The following PRKD1 variants were observed in gnomAD, a reference collection of about 807,000 sequenced individuals.
PRKD1 encodes the protein protein kinase D1, also known as serine/threonine-protein kinase D1.
In PRKD1, 63 loss-of-function variants were observed where a neutral mutation model predicts 95.9. The ratio of observed to expected loss-of-function variants is 0.66; its 90% CI spans 0.54 to 0.81. The LOEUF (loss-of-function observed/expected upper bound fraction) is 0.81. PRKD1 is among the 30% of genes least tolerant of loss of function. The pLI, the probability that PRKD1 is intolerant of heterozygous loss-of-function variation, is 0.00. For synonymous variants in PRKD1, 425 were observed against 423.1 expected, an observed-to-expected ratio of 1.00 and a Z score of -0.05; for missense variants, 1,048 against 1,165.3, an observed-to-expected ratio of 0.90 and a Z score of 1.47.
intron 6 of PRKD1, among the ~76,000 whole-genome samples, chr14:29,637,153 G>T (rs45506092): frequency 6.6e-6 from 1 of 152,068 alleles, no homozygotes; most frequent in Non-Finnish European, 1.5e-5. Flanking sequence ...TATTTTAGAA[G>T]CACAGCCCTG....
At chr14:29,762,026 C>T (rs1031223329) in intron 1 of PRKD1, among the ~76,000 whole-genome samples, 1 of 152,028 alleles carries the variant, frequency 6.6e-6, no homozygotes, top group Non-Finnish European at 1.5e-5. Context: ...GCTGCCTTGG[C>T]CTCCCACAGC....
Position 29,638,548 on chromosome 14 carries a change from T to C in PRKD1, c.926A>G (p.His309Arg). Residue 309 changes from histidine to arginine, a missense_variant, in exon 6 of 18, where the codon CAT becomes CGT. His to Arg is a conservative substitution (Grantham distance 29). Transcript: ENST00000331968. ...TGGTACTTTCGGTGCACAACGTTTATGGCAGTTGAATCTGCAATCTAATCC... is the reference window on the plus strand; with the variant it reads ...TGGTACTTTCGGTGCACAACGTTTACGGCAGTTGAATCTGCAATCTAATCC... ...LQCKDCRFNC[H>R]KRCAPKVPNN... 6.2e-7 allele frequency: 1 copy of C among 1,614,230 alleles called. No individual in the cohort carries two copies. Among genetic ancestry groups the C allele is most frequent in the Non-Finnish European group, 8.5e-7 (1 of 1,180,036 alleles).
At chr14:29,644,004 C>T (rs148788103) in intron 4 of PRKD1, among the ~76,000 whole-genome samples, 1 of 152,276 alleles carries the variant, frequency 6.6e-6, no homozygotes, top group African/African-American at 2.4e-5. Flanking sequence ...TTGTCTGAAT[C>T]ATTTGATAAT....
chr14:29,827,380 T>C (rs923649335), intron 1 of PRKD1, among the ~76,000 whole-genome samples: 1 of 152,100 alleles, frequency 6.6e-6, no homozygotes, highest in African/African-American at 2.4e-5. Flanking sequence ...GTGGGAGTTA[T>C]GGTTAGATGG....
At chr14:29,756,836 T>C (rs1331801842) in intron 1 of PRKD1, among the ~76,000 whole-genome samples, 2 of 152,256 alleles carry the variant, frequency 1.3e-5, no homozygotes, top group African/African-American at 2.4e-5. Flanking sequence ...GGACTCCTCA[T>C]ATGAAATTGC....
chr14:29,763,223 A>G (rs1320718197), intron 1 of PRKD1, among the ~76,000 whole-genome samples: 1 of 149,632 alleles, frequency 6.7e-6, no homozygotes, highest in Non-Finnish European at 1.5e-5. Flanking sequence ...GTTGAGCCCA[A>G]GAGGTTGAGG....
Position 29,638,893 on chromosome 14 carries a change from T to A in PRKD1, c.708A>T (p.Pro236=). 6.2e-7 allele frequency: 1 copy of A among 1,614,066 alleles called. No homozygotes were observed. Among genetic ancestry groups the A allele is most frequent in the Non-Finnish European group, 8.5e-7 (1 of 1,179,938 alleles). Residue 236 remains proline, a synonymous_variant, in exon 5 of 18, where the codon CCA becomes CCT. Transcript: ENST00000331968. ...APDEPLLQKS[P]SESFIGREKR... ...TCTCTCGACCAATAAACGACTCTGA[T>A]GGTGATTTTTGCTACATTTTGGAAA...
chr14:29,867,775 G>T (rs1892961092), intron 1 of PRKD1, among the ~76,000 whole-genome samples: 1 of 152,180 alleles, frequency 6.6e-6, no homozygotes, highest in Non-Finnish European at 1.5e-5. Flanking sequence ...CTGGCATATA[G>T]GAAATGTCCC....
chr14:29,866,118 A>C (rs1477828683), intron 1 of PRKD1, among the ~76,000 whole-genome samples: 1 of 152,116 alleles, frequency 6.6e-6, no homozygotes, highest in Non-Finnish European at 1.5e-5. Context: ...CTGAAATTTC[A>C]CATAAGATAA....
chr14:29,774,343 G>A (rs1888641708), intron 1 of PRKD1, among the ~76,000 whole-genome samples: 1 of 152,076 alleles, frequency 6.6e-6, no homozygotes, highest in Non-Finnish European at 1.5e-5. Context: ...CTGAAAACGT[G>A]TACATCAGCT....
rs181812455 is a variant in PRKD1, at chr14:29,876,937, A to G, written c.264+50312T>C. Among the ~76,000 whole-genome samples, 512 of 152,234 alleles carry G rather than the reference A, an allele frequency of 3.4e-3. 2 individuals are homozygous for G. Among genetic ancestry groups the G allele is most frequent in the Non-Finnish European group, 5.9e-3 (402 of 68,018 alleles). On this transcript the variant is annotated intron_variant, in intron 1 of 17. Coordinates refer to ENST00000331968, the MANE Select transcript of PRKD1 (RefSeq NM_002742.3). Reference sequence around the variant, plus strand: ...GAGGCCGAGGCAGGAGGATCATTTGAGGCCAGGAGTTCAAGACCAGCCTGG... The same window carrying G: ...GAGGCCGAGGCAGGAGGATCATTTGGGGCCAGGAGTTCAAGACCAGCCTGG...
chr14:29,768,522 T>C (rs1888362133), intron 1 of PRKD1, among the ~76,000 whole-genome samples: 1 of 152,230 alleles, frequency 6.6e-6, no homozygotes, highest in Admixed American at 6.5e-5. Context: ...TTTAATTTCT[T>C]AGAACCTGTT....
chr14:29,634,391 G>A (rs745831292), intron 8 of PRKD1, 27 bp downstream of exon 8: 1 of 1,613,692 alleles, frequency 6.2e-7, no homozygotes, highest in Non-Finnish European at 8.5e-7. Context: ...AGCAAGGCAA[G>A]AGAACATTGT....
rs184749522 is a variant in PRKD1 at position 29,843,169 on chromosome 14, T to C, written c.264+84080A>G. Among the ~76,000 whole-genome samples, 5 of 152,220 alleles carry C rather than the reference T, an allele frequency of 3.3e-5. No individual in the cohort carries two copies. The East Asian group carries it at 9.7e-4, about 29-fold the overall frequency. On this transcript the variant is annotated intron_variant, in intron 1 of 17. Coordinates refer to ENST00000331968, the MANE Select transcript of PRKD1 (RefSeq NM_002742.3). Reference sequence around the variant, plus strand: ...AAGCCCTAATCCAATATGAATGGTGTCTTTATAATAAGAAGATGTTATGCC... The same window carrying C: ...AAGCCCTAATCCAATATGAATGGTGCCTTTATAATAAGAAGATGTTATGCC...
intron 4 of PRKD1, among the ~76,000 whole-genome samples, chr14:29,643,420 A>G (rs796564349): frequency 6.6e-5 from 10 of 152,318 alleles, no homozygotes; most frequent in African/African-American, 2.4e-4. Context: ...CATCTTTAAC[A>G]TTCTTACACC....
intron 1 of PRKD1, among the ~76,000 whole-genome samples, chr14:29,792,387 G>T (rs1310764690): frequency 2.0e-5 from 3 of 152,110 alleles, no homozygotes; most frequent in African/African-American, 2.4e-5. Context: ...TTCTGTAGAT[G>T]TAGGGAGGAT....
intron 1 of PRKD1, among the ~76,000 whole-genome samples, chr14:29,804,073 C>G (rs895014018): frequency 6.6e-5 from 10 of 152,036 alleles, no homozygotes; most frequent in Admixed American, 2.6e-4. Flanking sequence ...AAAACCCCAT[C>G]TCTACTAAAA....
intron 13 of PRKD1, among the ~76,000 whole-genome samples, chr14:29,613,562 G>A (rs929462562): frequency 2.6e-5 from 4 of 152,294 alleles, no homozygotes; most frequent in African/African-American, 4.8e-5. Flanking sequence ...GTGCCTTCCA[G>A]GGGCCAGGCA....
intron 1 of PRKD1, among the ~76,000 whole-genome samples, chr14:29,741,929 C>A (rs1422853112): frequency 6.6e-6 from 1 of 151,926 alleles, no homozygotes; most frequent in Admixed American, 6.6e-5. Flanking sequence ...GTGCTAGAAT[C>A]AAGCAAGGGC....
Sources: gnomAD v4.1 joint callset for allele counts (sites outside exome capture counted in the v4.1 genomes callset) on GRCh38, gnomAD v4.1.1 for gene constraint, MANE v1.5 for transcripts, NCBI Gene and HGNC (gene_info 2026-07-23, HGNC 2026-07-21) for gene names.